Variants in UST observed in about 807,000 individuals in gnomAD.
UST encodes the protein uronyl 2-sulfotransferase.
A neutral mutation model predicts 45.6 loss-of-function variants in UST; 21 were observed. The observed-to-expected ratio is 0.46, with a 90% CI of 0.33 to 0.66. UST has a LOEUF of 0.66. Ranked by LOEUF, UST falls within the 30% of genes least tolerant of loss-of-function variation. UST has a pLI of 0.02. For synonymous variants in UST, 215 were observed against 200.6 expected (o/e 1.07, Z -0.61); for missense variants, 463 against 512.4 (o/e 0.90, Z 0.93).
chr6:148,771,243 G>T (rs1253722792), intron 1 of UST, among the ~76,000 whole-genome samples: 1 of 152,164 alleles, frequency 6.6e-6, no homozygotes, highest in Non-Finnish European at 1.5e-5. Flanking sequence ...CTTGCTGTTT[G>T]GAAATGACTC....
intron 5 of UST, among the ~76,000 whole-genome samples, chr6:148,989,101 A>G (rs114795031): frequency 0.013 from 2,019 of 152,220 alleles, 26 homozygotes; most frequent in African/African-American, 0.037. Context: ...CAAGAGGCAC[A>G]TAATTCAGTG....
intron 1 of UST, among the ~76,000 whole-genome samples, chr6:148,788,071 C>T (rs1055304887): frequency 6.6e-6 from 1 of 152,112 alleles, no homozygotes; most frequent in Non-Finnish European, 1.5e-5. Flanking sequence ...CTAGGGAGGC[C>T]TTACAATCAT....
At chr6:148,840,671 T>A (rs931854663) in intron 1 of UST, among the ~76,000 whole-genome samples, 1 of 152,216 alleles carries the variant, frequency 6.6e-6, no homozygotes, top group Admixed American at 6.5e-5. Context: ...TCAATCCGTG[T>A]CTGGTTGCAG....
chr6:149,019,074 G>C, intron 5 of UST, 65 bp from the exon 6 acceptor site: 1 of 1,170,774 alleles, frequency 8.5e-7, no homozygotes, highest in Non-Finnish European at 1.3e-6. Flanking sequence ...TACTTAAACT[G>C]TGTGGCATTT....
chr6:149,018,207 T>C (rs1484408725), intron 5 of UST, among the ~76,000 whole-genome samples: 2 of 152,170 alleles, frequency 1.3e-5, no homozygotes, highest in Non-Finnish European at 2.9e-5. Context: ...ACTAAAAAAA[T>C]TGTTACTAGC....
At position 148,934,161 on chromosome 6, in the gene UST, T is replaced by C. The variant is rs1779975253; in HGVS notation, c.292-7118T>C. On this transcript the variant is annotated intron_variant, in intron 2 of 7. Coordinates refer to ENST00000367463, the MANE Select transcript of UST (RefSeq NM_005715.3). This position sits in a 1 kb window ranked among gnomAD's most constrained non-coding sequence, Gnocchi z 4.1. ...GTGAGGAAACTGGGGCTCAAGGGTG[T>C]GAAGTGACTGGCTTCTAGCACCACA... is the stretch of plus-strand genomic sequence containing the variant. Among the ~76,000 whole-genome samples the C allele has an allele frequency of 6.6e-6, 1 of 152,188 alleles. No individual in the cohort carries two copies. The highest frequency in any genetic ancestry group is 6.5e-5 in the Admixed American group (1 of 15,284).
At chr6:148,776,290 T>A (rs1776534073) in intron 1 of UST, among the ~76,000 whole-genome samples, 1 of 152,230 alleles carries the variant, frequency 6.6e-6, no homozygotes, top group South Asian at 2.1e-4. Context: ...TTAGTGGATC[T>A]TCTTCCAAGA....
At chr6:148,773,386 G>C (rs867297757) in intron 1 of UST, among the ~76,000 whole-genome samples, 1 of 151,974 alleles carries the variant, frequency 6.6e-6, no homozygotes, top group East Asian at 1.9e-4. Context: ...GCTTGAACCC[G>C]GGAAGTAGAG....
chr6:148,944,130 A>G (rs1274885233), intron 3 of UST, among the ~76,000 whole-genome samples: 1 of 152,216 alleles, frequency 6.6e-6, no homozygotes, highest in Non-Finnish European at 1.5e-5. Context: ...GTAATTTATT[A>G]GAGGAATGAA....
intron 1 of UST, among the ~76,000 whole-genome samples, chr6:148,885,452 G>A (rs187658603): frequency 4.6e-5 from 7 of 152,208 alleles, no homozygotes; most frequent in East Asian, 3.9e-4. Flanking sequence ...ATTCATGCAC[G>A]CTCTCAGTGG....
chr6:149,058,878 A>G (rs1008526672), intron 7 of UST, among the ~76,000 whole-genome samples: 2 of 152,182 alleles, frequency 1.3e-5, no homozygotes, highest in Non-Finnish European at 2.9e-5. Flanking sequence ...TTTAGTGGTA[A>G]AAACTGTGCT....
chr6:148,946,594 G>A (rs905341820), intron 3 of UST, among the ~76,000 whole-genome samples: 4 of 147,996 alleles, frequency 2.7e-5, no homozygotes, highest in Admixed American at 6.8e-5. Context: ...GGCGGATCAC[G>A]AGGTCAGGAG....
intron 5 of UST, among the ~76,000 whole-genome samples, chr6:148,982,010 T>G (rs1404378484): frequency 6.6e-6 from 1 of 152,180 alleles, no homozygotes; most frequent in Non-Finnish European, 1.5e-5. Flanking sequence ...TGTCTGCTTC[T>G]AAGATGGTTC....
intron 1 of UST, among the ~76,000 whole-genome samples, chr6:148,775,960 C>T (rs780261121): frequency 6.6e-6 from 1 of 152,060 alleles, no homozygotes; most frequent in East Asian, 1.9e-4. Flanking sequence ...ATACCTTGTT[C>T]TAGGAGAACA....
chr6:148,861,077 G>C (rs915228863), intron 1 of UST, among the ~76,000 whole-genome samples: 1 of 152,168 alleles, frequency 6.6e-6, no homozygotes, highest in African/African-American at 2.4e-5. Context: ...AATGGTACCA[G>C]CTCCTCTCTA....
chr6:149,049,710 G>A (rs1480023680), intron 7 of UST, among the ~76,000 whole-genome samples: 3 of 152,158 alleles, frequency 2.0e-5, no homozygotes, highest in Non-Finnish European at 2.9e-5. Context: ...CAGCAACACT[G>A]ATGAAAATGG....
intron 1 of UST, among the ~76,000 whole-genome samples, chr6:148,861,074 C>T (rs1444798630): frequency 6.6e-6 from 1 of 152,198 alleles, no homozygotes; most frequent in Non-Finnish European, 1.5e-5. Flanking sequence ...AGGAATGGTA[C>T]CAGCTCCTCT....
intron 2 of UST, among the ~76,000 whole-genome samples, chr6:148,933,175 G>A (rs1452452653): frequency 6.6e-6 from 1 of 152,098 alleles, no homozygotes. Context: ...GAAAAAATTG[G>A]TAGATTTTCT....
intron 5 of UST, among the ~76,000 whole-genome samples, chr6:148,992,610 T>C (rs935227393): frequency 2.0e-5 from 3 of 152,210 alleles, no homozygotes; most frequent in Non-Finnish European, 4.4e-5. Context: ...TCTATTTGCA[T>C]GAAAACTTGG....
Sources: gnomAD v4.1 joint callset for allele counts (sites outside exome capture counted in the v4.1 genomes callset) on GRCh38, gnomAD v4.1.1 for gene constraint, Gnocchi (gnomAD v3.1) non-coding constraint, MANE v1.5 for transcripts, NCBI Gene and HGNC (gene_info 2026-07-23, HGNC 2026-07-21) for gene names.